Variants in TXNIP observed in about 807,000 individuals in gnomAD.
TXNIP encodes the protein thioredoxin-interacting protein.
TXNIP carries 23 observed loss-of-function variants against 43.9 expected under a neutral mutation model. The ratio of observed to expected loss-of-function variants is 0.52; its 90% CI spans 0.38 to 0.74. The LOEUF is 0.74. Ranked by LOEUF, TXNIP falls within the 30% of genes least tolerant of loss-of-function variation. The pLI, the probability that TXNIP is intolerant of heterozygous loss-of-function variation, is 0.00. For missense variants in TXNIP, 555 were observed against 485.4 expected (o/e 1.14, Z -1.35); for synonymous variants, 234 against 172.2 (o/e 1.36, Z -2.81).
chr1:145,993,738 A>G lies in TXNIP; in HGVS notation c.*113T>C. ...CTCCTACATTAGGAAGTCAGAGGCTAAGGTGGACCCACACTCCATTGCAGA... is the reference window on the plus strand; with the variant it reads ...CTCCTACATTAGGAAGTCAGAGGCTGAGGTGGACCCACACTCCATTGCAGA... On this transcript the variant is annotated 3_prime_UTR_variant, in exon 8 of 8. Transcript: ENST00000582401. The G allele has an allele frequency of 7.9e-7, 1 of 1,270,970 alleles. No individual in the cohort carries two copies. Among genetic ancestry groups the G allele is most frequent in the Non-Finnish European group, 1.1e-6 (1 of 904,498 alleles). 78.7% of individuals were successfully genotyped at this position (1,270,970 alleles called of 1,614,324 possible).
chr1:145,994,237 C>T, intron 6 of TXNIP, 44 bp downstream of exon 6: 1 of 1,612,928 alleles, frequency 6.2e-7, no homozygotes, highest in Non-Finnish European at 8.5e-7. Flanking sequence ...TTTTACAAAC[C>T]CAGGTAGACC....
intron 1 of TXNIP, chr1:145,995,737 C>T: frequency 4.9e-6 from 3 of 608,424 alleles, no homozygotes; most frequent in Non-Finnish European, 5.7e-6. Context: ...AGGAAGTAGA[C>T]AAAGAATAAG....
rs1258061386 is a variant in TXNIP, at chr1:145,994,049, C to T, written c.1107G>A (p.Glu369=). 3.7e-6 allele frequency: 6 copies of T among 1,613,964 alleles called. No homozygotes were observed. The Admixed American group carries it at 5.0e-5, about 13-fold the overall frequency. ...QDSPIFMYAP[E]FKFMPPPTYT... Reference sequence around the variant, plus strand: ...AAGTCGGTGGTGGCATGAACTTGAACTCAGGGGCATACATAAAGATAGGGC... The same window carrying T: ...AAGTCGGTGGTGGCATGAACTTGAATTCAGGGGCATACATAAAGATAGGGC... Residue 369 remains glutamate, a synonymous_variant, in exon 7 of 8, where the codon GAG becomes GAA. Coordinates refer to ENST00000582401, the MANE Select transcript of TXNIP (RefSeq NM_006472.6).
intron 1 of TXNIP, 156 bp downstream of exon 1, chr1:145,995,850 TGGGGGGGGAGG>T: frequency 1.2e-6 from 1 of 854,360 alleles, no homozygotes; most frequent in Non-Finnish European, 1.8e-6. Flanking sequence ...CCCTTTTTTT[TGGGGGGGGAGG>T]AGAATGTCTG....
Position 145,994,440 on chromosome 1 carries a change from A to G in TXNIP, c.832-3T>C, listed in dbSNP as rs113782950. On this transcript the variant is annotated splice_region_variant and splice_polypyrimidine_tract_variant and intron_variant, in intron 5 of 7. Coordinates refer to ENST00000582401, the MANE Select transcript of TXNIP (RefSeq NM_006472.6). ...GATCCAGGAACGCTAACATAGATCTAGAAAGGAAGATGGCAGTTTATTACA... is the reference window on the plus strand; with the variant it reads ...GATCCAGGAACGCTAACATAGATCTGGAAAGGAAGATGGCAGTTTATTACA... 3.0e-4 allele frequency: 485 copies of G among 1,613,716 alleles called. 1 individual carries two copies. The African/African-American group carries it at 5.5e-3, about 18-fold the overall frequency.
rs1470681582 is a variant in TXNIP, at chr1:145,995,242, C to A, written c.373G>T (p.Val125Leu). ...CTCGGGCGGTCAAGAAAAGCCTTCACCCAGTAGTCTACACACCCATATTTT... is the reference window on the plus strand; with the variant it reads ...CTCGGGCGGTCAAGAAAAGCCTTCAACCAGTAGTCTACACACCCATATTTT... ...KGKYGCVDYW[V>L]KAFLDRPSQP... The change falls in exon 3 of 8, where the codon GTG becomes TTG. Residue 125 changes from valine to leucine, a missense_variant. Coordinates refer to ENST00000582401, the MANE Select transcript of TXNIP (RefSeq NM_006472.6). The A allele has an allele frequency of 1.2e-6, 2 of 1,614,004 alleles. No individual in the cohort carries two copies. Among genetic ancestry groups the A allele is most frequent in the African/African-American group, 2.7e-5 (2 of 74,888 alleles).
At chr1:145,995,853 G>A (rs1012643699) in intron 1 of TXNIP, 164 bp downstream of exon 1, 5 of 867,294 alleles carry the variant, frequency 5.8e-6, no homozygotes, top group Middle Eastern at 3.5e-4. Flanking sequence ...TTTTTTTTGG[G>A]GGGGGAGGAG....
chr1:145,995,631 A>G, intron 1 of TXNIP, 155 bp from the exon 2 acceptor site: 1 of 745,274 alleles, frequency 1.3e-6, no homozygotes, highest in South Asian at 1.7e-5. Context: ...ATTGTTCTTA[A>G]AGAGAAATTC....
intron 6 of TXNIP, 31 bp downstream of exon 6, chr1:145,994,250 A>T (rs1242754925): frequency 6.2e-7 from 1 of 1,613,102 alleles, no homozygotes; most frequent in African/African-American, 1.3e-5. Context: ...GGTAGACCAG[A>T]AACAAAGAAA....
rs782282846 is a variant in TXNIP, at chr1:145,994,587, G to T, written c.788C>A (p.Ser263Tyr). 6.2e-7 allele frequency: 1 copy of T among 1,614,200 alleles called. No homozygotes were observed. Among genetic ancestry groups the T allele is most frequent in the Non-Finnish European group, 8.5e-7 (1 of 1,180,030 alleles). ...TCGAAGGATGTTGCAGCCCAGGATAGAAGGCCTGATCTTCTGAACCCGAAG... is the reference window on the plus strand; with the variant it reads ...TCGAAGGATGTTGCAGCCCAGGATATAAGGCCTGATCTTCTGAACCCGAAG... ...KSLRVQKIRP[S>Y]ILGCNILRVE... Residue 263 changes from serine to tyrosine, a missense_variant, in exon 5 of 8, where the codon TCT (serine) becomes TAT (tyrosine). Transcript: ENST00000582401.
In TXNIP at chr1:145,995,273, G is replaced by A; in HGVS notation, c.342C>T (p.Phe114=). 2 of 1,614,074 alleles carry A rather than the reference G, an allele frequency of 1.2e-6. No homozygotes were observed. Among genetic ancestry groups the A allele is most frequent in the Non-Finnish European group, 1.7e-6 (2 of 1,179,942 alleles). Residue 114 remains phenylalanine, a synonymous_variant, in exon 3 of 8, where the codon TTC becomes TTT. Transcript: ENST00000582401. ...AGTCTACACACCCATATTTTCCTTTGAAGGATGTTCCCAGAGGCCTGTGTC... is the reference window on the plus strand; with the variant it reads ...AGTCTACACACCCATATTTTCCTTTAAAGGATGTTCCCAGAGGCCTGTGTC... The part of the protein sequence containing the change: ...ELPQGPLGTS[F]KGKYGCVDYW...
intron 1 of TXNIP, 151 bp from the exon 2 acceptor site, chr1:145,995,627 C>G: frequency 1.3e-6 from 1 of 753,590 alleles, no homozygotes; most frequent in South Asian, 1.7e-5. Context: ...CCATATTGTT[C>G]TTAAAGAGAA....
In TXNIP at chr1:145,996,191, T is replaced by C; in HGVS notation, c.76A>G (p.Lys26Glu). 1 of 1,614,030 alleles carries C rather than the reference T, an allele frequency of 6.2e-7. No homozygotes were observed. Among genetic ancestry groups the C allele is most frequent in the Non-Finnish European group, 8.5e-7 (1 of 1,180,010 alleles). ...TCCACTATCACCCGGCCAGCCACCT[T>C]CTCGCCACTGCCGTACACCTTTTCA... The part of the protein sequence containing the change: ...DPEKVYGSGE[K>E]VAGRVIVEVC... The change falls in exon 1 of 8, where the codon AAG becomes GAG. Residue 26 changes from lysine to glutamate, a missense_variant. Coordinates refer to ENST00000582401, the MANE Select transcript of TXNIP (RefSeq NM_006472.6).
chr1:145,995,204 T>C lies in TXNIP; in HGVS notation c.411A>G (p.Gln137=), dbSNP rs587758854. The change falls in exon 3 of 8, where the codon CAA becomes CAG. Residue 137 remains glutamine (Q), a synonymous_variant. Transcript: ENST00000582401. ...AFLDRPSQPT[Q]ETKKNFEVVD... ...CTACTTCAAAGTTTTTCTTTGTCTC[T>C]TGAGTTGGCTGGCTCGGGCGGTCAA... 3.1e-6 allele frequency: 5 copies of C among 1,614,186 alleles called. No individual in the cohort carries two copies. The highest frequency in any genetic ancestry group is 2.2e-5 in the East Asian group (1 of 44,884).
At chr1:145,995,375 G>A in intron 2 of TXNIP, 29 bp downstream of exon 2, 1 of 1,611,122 alleles carries the variant, frequency 6.2e-7, no homozygotes, top group Non-Finnish European at 8.5e-7. Flanking sequence ...AGACAGAAAA[G>A]TTCAAAGATG....
Position 145,996,406 on chromosome 1 carries a change from A to G in TXNIP, c.-140T>C. Reference sequence around the variant, plus strand: ...TTAAGCAGTTTGAGCTTAAAAATAAAATAAGATTTAAACAAATGAATATTA... The same window carrying G: ...TTAAGCAGTTTGAGCTTAAAAATAAGATAAGATTTAAACAAATGAATATTA... On this transcript the variant is annotated 5_prime_UTR_variant, in exon 1 of 8. Coordinates refer to ENST00000582401, the MANE Select transcript of TXNIP (RefSeq NM_006472.6). 9.4e-7 allele frequency: 1 copy of G among 1,059,032 alleles called. No homozygotes were observed. Among genetic ancestry groups the G allele is most frequent in the Non-Finnish European group, 1.3e-6 (1 of 744,344 alleles). 65.6% of individuals were successfully genotyped at this position (1,059,032 alleles called of 1,614,324 possible).
In TXNIP at chr1:145,996,508, CT is replaced by C. The variant is rs1559268411; in HGVS notation, c.-243del. 21 of 406,840 alleles carry C rather than the reference CT, an allele frequency of 5.2e-5. No individual in the cohort carries two copies. The South Asian group carries it at 5.7e-4, about 11-fold the overall frequency. The allele number at this position is 406,840 out of a possible 1,614,324, so 25.2% of individuals were successfully genotyped here. Reference sequence around the variant, plus strand: ...TAAGCTAATTCAGAGAAAAAGCCTTCTTTCCCCCAATTGCTGGAGAAAAGAT... The same window carrying C: ...TAAGCTAATTCAGAGAAAAAGCCTTCTTCCCCCAATTGCTGGAGAAAAGAT... On this transcript the variant is annotated 5_prime_UTR_variant, in exon 1 of 8. Transcript: ENST00000582401.
chr1:145,994,182 A>G lies in TXNIP; in HGVS notation c.989-15T>C, dbSNP rs1553765936. 1 of 1,613,932 alleles carries G rather than the reference A, an allele frequency of 6.2e-7. No individual in the cohort carries two copies. Among genetic ancestry groups the G allele is most frequent in the South Asian group, 1.1e-5 (1 of 91,048 alleles). ...GCAGGGAGGAGCTAGAAAAGAAAAT[A>G]TGGCCACATAAGAATCCTGCCCAAG... On this transcript the variant is annotated splice_polypyrimidine_tract_variant and intron_variant, in intron 6 of 7. Transcript: ENST00000582401.
In TXNIP at chr1:145,994,402, G is replaced by C; in HGVS notation, c.867C>G (p.Ile289Met). The change falls in exon 6 of 8, where the codon ATC becomes ATG. Residue 289 changes from isoleucine (I) to methionine (M), a missense_variant. Coordinates refer to ENST00000582401, the MANE Select transcript of TXNIP (RefSeq NM_006472.6). ...TGCCAATTACCAGGGGCAGGTCAAG[G>C]ATGACCTTCTTGGATCCAGGAACGC... The part of the protein sequence containing the change: ...YVSVPGSKKV[I>M]LDLPLVIGSR... 6.2e-7 allele frequency: 1 copy of C among 1,614,048 alleles called. No individual in the cohort carries two copies. The highest frequency in any genetic ancestry group is 8.5e-7 in the Non-Finnish European group (1 of 1,179,942).
Sources: allele counts gnomAD v4.1 joint callset, GRCh38; gene constraint gnomAD v4.1.1; transcripts MANE v1.5; gene names NCBI Gene and HGNC (gene_info 2026-07-23, HGNC 2026-07-21).